The following STAU2 variants were observed in gnomAD, a reference collection of about 807,000 sequenced individuals.
The protein encoded by STAU2 is double-stranded RNA-binding protein Staufen homolog 2.
A neutral mutation model predicts 65.9 loss-of-function variants in STAU2; 20 were observed. That is an observed-to-expected ratio of 0.30 (90% confidence interval 0.21 to 0.44). The LOEUF (loss-of-function observed/expected upper bound fraction) is 0.44. Among genes scored for constraint, STAU2 ranks in the 20% least tolerant of loss-of-function variants. The pLI, the probability that STAU2 is intolerant of heterozygous loss-of-function variation, is 1.00. For synonymous variants in STAU2, 232 were observed against 233.9 expected (o/e 0.99, Z 0.07); for missense variants, 558 against 683.9 (o/e 0.82, Z 2.05).
chr8:73,521,949 G>C (rs1823065456), intron 13 of STAU2, among the ~76,000 whole-genome samples: 1 of 152,180 alleles, frequency 6.6e-6, no homozygotes. Context: ...AACTTCATTG[G>C]CTAGTTAATG....
At chr8:73,436,954 A>G (rs1486352451) in intron 13 of STAU2, among the ~76,000 whole-genome samples, 1 of 152,160 alleles carries the variant, frequency 6.6e-6, no homozygotes. Flanking sequence ...ATCAAATATC[A>G]GGTAAAGATA....
In STAU2 at chr8:73,573,123, G is replaced by A. The variant is rs192245816; in HGVS notation, c.1222+9647C>T. ...TACACCAGTAACAGACAAACAGAGA[G>A]CCAAATCATGAGTGAACTCCCATTC... On this transcript the variant is annotated intron_variant, in intron 12 of 14. Transcript: ENST00000524300. Among the ~76,000 whole-genome samples the A allele has an allele frequency of 1.1e-3, 162 of 152,274 alleles. No individual in the cohort carries two copies. The East Asian group carries it at 0.025, about 23-fold the overall frequency.
intron 12 of STAU2, among the ~76,000 whole-genome samples, chr8:73,567,531 T>C (rs1311339744): frequency 1.3e-5 from 2 of 151,642 alleles, no homozygotes; most frequent in Non-Finnish European, 2.9e-5. Flanking sequence ...GATTTTTTTT[T>C]CAAATAATAT....
chr8:73,579,791 C>T (rs1381562949), intron 12 of STAU2, among the ~76,000 whole-genome samples: 3 of 152,150 alleles, frequency 2.0e-5, no homozygotes, highest in Admixed American at 6.5e-5. Context: ...AAAGCCTGAG[C>T]AGCACCCAAA....
intron 1 of STAU2, among the ~76,000 whole-genome samples, chr8:73,741,333 A>G (rs1456400968): frequency 6.7e-6 from 1 of 150,342 alleles, no homozygotes; most frequent in African/African-American, 2.5e-5. Context: ...ATTATTAAGC[A>G]TTCACCAACT....
At chr8:73,535,451 G>A (rs899394373) in intron 13 of STAU2, among the ~76,000 whole-genome samples, 6 of 152,224 alleles carry the variant, frequency 3.9e-5, no homozygotes, top group Admixed American at 2.0e-4. Context: ...TTACAGGCAT[G>A]AGCCACCGCC....
intron 5 of STAU2, among the ~76,000 whole-genome samples, chr8:73,682,639 T>G (rs796603348): frequency 5.9e-5 from 9 of 151,864 alleles, no homozygotes; most frequent in African/African-American, 2.2e-4. Context: ...TAAATGAAAT[T>G]GAAACAAAAG....
chr8:73,703,939 T>C (rs1318721293), intron 4 of STAU2, among the ~76,000 whole-genome samples: 2 of 152,228 alleles, frequency 1.3e-5, no homozygotes, highest in Admixed American at 6.5e-5. Context: ...AGAAGTCAGT[T>C]TGCATTGCTT....
intron 13 of STAU2, among the ~76,000 whole-genome samples, chr8:73,433,135 A>C (rs544235031): frequency 2.6e-5 from 4 of 152,314 alleles, no homozygotes; most frequent in African/African-American, 9.6e-5. Flanking sequence ...AGTCCTCGCT[A>C]CTAGGCCTTC....
rs79547721 is a variant in STAU2, at chr8:73,475,439, G to A, written c.1531-52737C>T. On this transcript the variant is annotated intron_variant, in intron 13 of 14. Transcript: ENST00000524300. ...CTTCGAGGCTTTGCAGCTGAGACCCGGAACATATGAATGAGTATTTTACTC... is the reference window on the plus strand; with the variant it reads ...CTTCGAGGCTTTGCAGCTGAGACCCAGAACATATGAATGAGTATTTTACTC... 8.5e-3 allele frequency among the ~76,000 whole-genome samples: 1,286 copies of A among 152,148 alleles called. 9 individuals carry two copies. The highest frequency in any genetic ancestry group is 0.014 in the Non-Finnish European group (925 of 67,984).
At chr8:73,451,646 C>T (rs1446779565) in intron 13 of STAU2, among the ~76,000 whole-genome samples, 1 of 151,532 alleles carries the variant, frequency 6.6e-6, no homozygotes, top group Non-Finnish European at 1.5e-5. Flanking sequence ...TTCCTGGTCT[C>T]CTTAATTGCT....
intron 13 of STAU2, among the ~76,000 whole-genome samples, chr8:73,432,877 C>T (rs1476046792): frequency 1.3e-5 from 2 of 152,132 alleles, no homozygotes; most frequent in South Asian, 2.1e-4. Flanking sequence ...AGTAGGTGGT[C>T]GGAGAGACAC....
At chr8:73,738,420 T>C (rs1806597534) in intron 2 of STAU2, 71 bp from the exon 3 acceptor site, 3 of 1,023,170 alleles carry the variant, frequency 2.9e-6, no homozygotes, top group African/African-American at 1.6e-5. Flanking sequence ...TTTAAACACA[T>C]GCCCTTGATC....
chr8:73,692,833 G>A (rs115772120), intron 4 of STAU2, among the ~76,000 whole-genome samples: 3 of 152,258 alleles, frequency 2.0e-5, no homozygotes, highest in East Asian at 1.9e-4. Context: ...ATTCGCTGGC[G>A]TGGAAAAAAA....
chr8:73,480,703 T>C (rs1820560433), intron 13 of STAU2, among the ~76,000 whole-genome samples: 1 of 152,172 alleles, frequency 6.6e-6, no homozygotes, highest in Non-Finnish European at 1.5e-5. Flanking sequence ...GTAATCAGTT[T>C]GCTTCTTTTA....
intron 12 of STAU2, among the ~76,000 whole-genome samples, chr8:73,565,557 A>G (rs1454987905): frequency 6.6e-6 from 1 of 152,146 alleles, no homozygotes; most frequent in Non-Finnish European, 1.5e-5. Flanking sequence ...TGAGCCCACC[A>G]TATTTGTTAT....
intron 1 of STAU2, among the ~76,000 whole-genome samples, chr8:73,740,908 G>A (rs1477270657): frequency 6.7e-6 from 1 of 150,264 alleles, no homozygotes; most frequent in Non-Finnish European, 1.5e-5. Flanking sequence ...GGCTGAGGCA[G>A]AAGAAATAAA....
At chr8:73,489,279 G>C (rs966631649) in intron 13 of STAU2, among the ~76,000 whole-genome samples, 1 of 151,860 alleles carries the variant, frequency 6.6e-6, no homozygotes, top group Non-Finnish European at 1.5e-5. Flanking sequence ...TTACTGAAAA[G>C]AGACTATAAG....
chr8:73,654,385 C>G (rs908223413), intron 6 of STAU2, among the ~76,000 whole-genome samples: 14 of 152,094 alleles, frequency 9.2e-5, no homozygotes, highest in African/African-American at 3.1e-4. Context: ...GGCACACTGG[C>G]TGACCCCTGT....
Sources: allele counts gnomAD v4.1 joint callset (sites outside exome capture counted in the v4.1 genomes callset), GRCh38; gene constraint gnomAD v4.1.1; transcripts MANE v1.5; gene names NCBI Gene and HGNC (gene_info 2026-07-23, HGNC 2026-07-21).